Variants in KMT2D observed in about 807,000 individuals in gnomAD.
The protein encoded by KMT2D is histone-lysine N-methyltransferase 2D.
A neutral mutation model predicts 512.7 loss-of-function variants in KMT2D; 55 were observed. The ratio of observed to expected loss-of-function variants is 0.11; its 90% CI spans 0.09 to 0.13. The LOEUF is 0.13. KMT2D is among the 10% of genes least tolerant of loss of function. The probability of loss-of-function intolerance (pLI) is 1.00; values close to 1 mark genes in which losing one functional copy is unlikely to be tolerated. For missense variants in KMT2D, 6,061 were observed against 7,127.9 expected (o/e 0.85, Z 5.39); for synonymous variants, 2,995 against 2,904.0 (o/e 1.03, Z -1.01).
chr12:49,045,062 G>T, intron 19 of KMT2D, 97 bp from the exon 20 acceptor site: 2 of 1,204,752 alleles, frequency 1.7e-6, no homozygotes, highest in Non-Finnish European at 2.4e-6. Context: ...GACAAAGGCA[G>T]TGACAAAAGT....
intron 1 of KMT2D, among the ~76,000 whole-genome samples, chr12:49,055,946 CA>C (rs1260677463): frequency 6.6e-5 from 10 of 152,200 alleles, no homozygotes; most frequent in African/African-American, 2.4e-4. Context: ...ATCACCATTA[CA>C]AAAGAAGAAA....
At chr12:49,052,859 C>T (rs1938161596) in intron 9 of KMT2D, 56 bp downstream of exon 9, 1 of 1,606,352 alleles carries the variant, frequency 6.2e-7, no homozygotes, top group African/African-American at 1.3e-5. Flanking sequence ...AAGGCCCCTG[C>T]CAATGTCAGT....
chr12:49,055,252 A>G (rs772273525), intron 2 of KMT2D, 24 bp downstream of exon 2: 1 of 1,613,564 alleles, frequency 6.2e-7, no homozygotes. Flanking sequence ...ATCTAAAAGC[A>G]AACAAACAAT....
chr12:49,041,583 C>T lies in KMT2D; in HGVS notation c.6235-48G>A. 1 of 1,612,276 alleles carries T rather than the reference C, an allele frequency of 6.2e-7. No homozygotes were observed. Among genetic ancestry groups the T allele is most frequent in the Non-Finnish European group, 8.5e-7 (1 of 1,179,040 alleles). The stretch of plus-strand genomic sequence containing the variant: ...GGGCAGTCAGGCTGCTGCAGGCAGG[C>T]CCCATGGCCCTCCACCCTCAAGAGA... On this transcript the variant is annotated intron_variant, in intron 31 of 54. Transcript: ENST00000301067. The surrounding 1 kb of genome is among the most constrained non-coding windows in gnomAD (Gnocchi z 5.4).
chr12:49,053,646 AG>A lies in KMT2D; in HGVS notation c.674-6del, dbSNP rs976475854. The A allele has an allele frequency of 2.5e-5, 39 of 1,588,734 alleles. No homozygotes were observed. The highest frequency in any genetic ancestry group is 3.1e-5 in the Non-Finnish European group (36 of 1,167,978). On this transcript the variant is annotated splice_polypyrimidine_tract_variant and splice_region_variant and intron_variant, in intron 6 of 54. Coordinates refer to ENST00000301067, the MANE Select transcript of KMT2D (RefSeq NM_003482.4). ...ACACTGCACAGCGAGCCTCCTCTGC[AG>A]GGGGTAGAGACACCACAGGTCAGCT...
Position 49,038,203 on chromosome 12 carries a change from T to C in KMT2D, c.9153A>G (p.Ala3051=). Residue 3051 remains alanine, a synonymous_variant, in exon 35 of 55, where the codon GCA becomes GCG. Coordinates refer to ENST00000301067, the MANE Select transcript of KMT2D (RefSeq NM_003482.4). The surrounding 1 kb of genome is among the most constrained non-coding windows in gnomAD (Gnocchi z 5.7). ...LLNGDEFDLL[A]YTDPELDTGD... is the part of the protein sequence containing the mutation. ...CAGTGTCCAGCTCAGGATCAGTATA[T>C]GCCAGCAGGTCAAACTCGTCTCCAT... 3 of 1,613,888 alleles carry C rather than the reference T, an allele frequency of 1.9e-6. No homozygotes were observed. The highest frequency in any genetic ancestry group is 2.5e-6 in the Non-Finnish European group (3 of 1,179,892).
At position 49,039,687 on chromosome 12, in the gene KMT2D, G is replaced by T. The variant is rs771910120; in HGVS notation, c.8046+37C>A. On this transcript the variant is annotated intron_variant, in intron 32 of 54. Transcript: ENST00000301067. This position sits in a 1 kb window ranked among gnomAD's most constrained non-coding sequence, Gnocchi z 5.0. The stretch of plus-strand genomic sequence containing the variant: ...TCATAGGGCTGCCCCAGAGACAGGA[G>T]CGATATAGGGGGCTTAGCTCCAGGG... 6.2e-7 allele frequency: 1 copy of T among 1,604,942 alleles called. No individual in the cohort carries two copies. Among genetic ancestry groups the T allele is most frequent in the South Asian group, 1.1e-5 (1 of 90,860 alleles).
Position 49,030,311 on chromosome 12 carries a change from G to C in KMT2D, c.13968C>G (p.Ala4656=). ...GTGCCCTTTCACTATCCCGGGCAGA[G>C]GCAGCATCCTTGGGGTGCTCCCCCA... ...EELGEHPKDA[A]SARDSERALR... is the part of the protein sequence containing the mutation. The change falls in exon 43 of 55, where the codon GCC becomes GCG. Residue 4656 remains alanine, a synonymous_variant. Transcript: ENST00000301067. 6.2e-7 allele frequency: 1 copy of C among 1,603,840 alleles called. No individual in the cohort carries two copies. The highest frequency in any genetic ancestry group is 8.5e-7 in the Non-Finnish European group (1 of 1,175,114).
rs1942634696 is a variant in KMT2D, at chr12:49,027,054, CCTT to C, written c.14909_14911del (p.Glu4970del). The C allele has an allele frequency of 1.9e-6, 3 of 1,613,798 alleles. No homozygotes were observed. The highest frequency in any genetic ancestry group is 1.7e-6 in the Non-Finnish European group (2 of 1,179,848). ...GAGGCGAGGAGGACGGGAATCTTCA[CCTT>C]CTTCAGGGGGCCGGGCACGGGGCTT... On this transcript the variant is annotated inframe_deletion, in exon 49 of 55. Coordinates refer to ENST00000301067, the MANE Select transcript of KMT2D (RefSeq NM_003482.4).
rs1311527251 is a variant in KMT2D, at chr12:49,037,764, G to T, written c.9592C>A (p.Pro3198Thr). The T allele has an allele frequency of 6.3e-7, 1 of 1,592,850 alleles. No homozygotes were observed. The highest frequency in any genetic ancestry group is 1.1e-5 in the South Asian group (1 of 87,720). ...CCTCCTGGGCCACTCAGTGGGCTGG[G>T]GGTCAGCAGGTGAGCTGGTGGTCCT... is the stretch of plus-strand genomic sequence containing the variant. ...TGGPPAHLLT[P>T]SPLSGPGGSS... Residue 3198 changes from proline (P) to threonine (T), a missense_variant, in exon 35 of 55, where the codon CCC becomes ACC. By Grantham distance (38) the Pro-to-Thr change is conservative (BLOSUM62 -1). This residue lies in a region of KMT2D where 533 missense variants were observed against 539.6 expected (regional missense o/e 0.99). Transcript: ENST00000301067.
chr12:49,046,399 C>A lies in KMT2D; in HGVS notation c.4444G>T (p.Ala1482Ser), dbSNP rs565864326. 11 of 1,613,810 alleles carry A rather than the reference C, an allele frequency of 6.8e-6. No individual in the cohort carries two copies. Among genetic ancestry groups the A allele is most frequent in the Non-Finnish European group, 9.3e-6 (11 of 1,179,886 alleles). The change falls in exon 17 of 55, where the codon GCT becomes TCT. Residue 1482 changes from alanine (A) to serine (S), a missense_variant. Around this residue, in one of 16 missense-constraint regions of KMT2D, gnomAD observed 640 missense variants for 814.3 expected, o/e 0.79. Transcript: ENST00000301067. The surrounding 1 kb of genome is among the most constrained non-coding windows in gnomAD (Gnocchi z 4.2). The part of the protein sequence containing the change: ...KWCVSCMQCG[A>S]ASPGFHCEWQ... ...TCACAGTGGAAGCCAGGGGAAGCAG[C>A]CCCACACTGCATACAGGACACACAC...
rs2120645313 is a variant in KMT2D, at chr12:49,050,075, T to C, written c.3513A>G (p.Glu1171=). The C allele has an allele frequency of 1.2e-6, 2 of 1,613,766 alleles. No individual in the cohort carries two copies. Among genetic ancestry groups the C allele is most frequent in the East Asian group, 2.2e-5 (1 of 44,878 alleles). ...APVTPMEVYP[E]CKQTAGQGSP... Reference sequence around the variant, plus strand: ...AGCCCTGCCCTGCTGTCTGCTTGCATTCGGGGTAGACCTCCATAGGGGTCA... The same window carrying C: ...AGCCCTGCCCTGCTGTCTGCTTGCACTCGGGGTAGACCTCCATAGGGGTCA... Residue 1171 remains glutamate, a synonymous_variant, in exon 12 of 55, where the codon GAA becomes GAG. Coordinates refer to ENST00000301067, the MANE Select transcript of KMT2D (RefSeq NM_003482.4).
In KMT2D at chr12:49,052,267, C is replaced by T. The variant is rs2120684233; in HGVS notation, c.1416G>A (p.Glu472=). The T allele has an allele frequency of 6.2e-7, 1 of 1,607,284 alleles. No homozygotes were observed. The highest frequency in any genetic ancestry group is 8.5e-7 in the Non-Finnish European group (1 of 1,176,702). Residue 472 remains glutamate, a synonymous_variant, in exon 11 of 55, where the codon GAG becomes GAA. Transcript: ENST00000301067. Reference sequence around the variant, plus strand: ...CAGGAAGTGGGGATGCGGGCAATTCCTCAGGTGGTGGTGACAGGCGTGATG... The same window carrying T: ...CAGGAAGTGGGGATGCGGGCAATTCTTCAGGTGGTGGTGACAGGCGTGATG... The part of the protein sequence containing the change: ...PEASRLSPPP[E]ELPASPLPEA...
chr12:49,039,582 C>G lies in KMT2D; in HGVS notation c.8082G>C (p.Gln2694His), dbSNP rs2120513191. The change falls in exon 33 of 55, where the codon CAG becomes CAC. Residue 2694 changes from glutamine (Q) to histidine (H), a missense_variant. This residue lies in a region of KMT2D where 527 missense variants were observed against 578.9 expected (regional missense o/e 0.91). Coordinates refer to ENST00000301067, the MANE Select transcript of KMT2D (RefSeq NM_003482.4). The surrounding 1 kb of genome is among the most constrained non-coding windows in gnomAD (Gnocchi z 5.0). ...CCTGCCGCAGGGTGTTGCGCTGGAT[C>G]TGCTGCCGAATCAGCAGCTCTCGTA... is the stretch of plus-strand genomic sequence containing the variant. ...QRLRELLIRQ[Q>H]IQRNTLRQEK... 6.2e-7 allele frequency: 1 copy of G among 1,610,998 alleles called. No homozygotes were observed. Among genetic ancestry groups the G allele is most frequent in the Non-Finnish European group, 8.5e-7 (1 of 1,179,622 alleles).
chr12:49,032,025 A>T lies in KMT2D; in HGVS notation c.12680T>A (p.Met4227Lys). 6.2e-7 allele frequency: 1 copy of T among 1,611,406 alleles called. No homozygotes were observed. ...QQQQQLQALLMQRQLQQSQAV... is the reference protein window; with the variant it reads ...QQQQQLQALLKQRQLQQSQAV... ...CTGACTCTGCTGCAGCTGCCGCTGC[A>T]TGAGGAGTGCCTGTAGCTGCTGCTG... The change falls in exon 40 of 55, where the codon ATG becomes AAG. Residue 4227 changes from methionine (M) to lysine (K), a missense_variant. Around this residue, in one of 16 missense-constraint regions of KMT2D, gnomAD observed 1,600 missense variants for 1,754.9 expected, o/e 0.91. Transcript: ENST00000301067.
chr12:49,030,537 C>G, intron 42 of KMT2D, 64 bp downstream of exon 42: 1 of 1,498,742 alleles, frequency 6.7e-7, no homozygotes, highest in Non-Finnish European at 8.9e-7. Context: ...CTCAAGTTTT[C>G]TATTCCCACC....
rs895080026 is a variant in KMT2D at position 49,028,842 on chromosome 12, C to A, written c.14368G>T (p.Ala4790Ser). 4 of 1,613,874 alleles carry A rather than the reference C, an allele frequency of 2.5e-6. No homozygotes were observed. The African/African-American group carries it at 5.3e-5, about 22-fold the overall frequency. Residue 4790 changes from alanine to serine, a missense_variant, in exon 46 of 55, where the codon GCT becomes TCT. Coordinates refer to ENST00000301067, the MANE Select transcript of KMT2D (RefSeq NM_003482.4). Reference sequence around the variant, plus strand: ...CTAGGACACACCTTGGCTGCAGCAGCAGAGACTGTGAGCATGACTGACACC... The same window carrying A: ...CTAGGACACACCTTGGCTGCAGCAGAAGAGACTGTGAGCATGACTGACACC... ...SEVSVMLTVS[A>S]AAAKNLNGVM... is the part of the protein sequence containing the mutation.
chr12:49,044,245 C>T lies in KMT2D; in HGVS notation c.5143G>A (p.Ala1715Thr), dbSNP rs1326579670. 4 of 1,612,628 alleles carry T rather than the reference C, an allele frequency of 2.5e-6. No individual in the cohort carries two copies. Among genetic ancestry groups the T allele is most frequent in the Non-Finnish European group, 3.4e-6 (4 of 1,179,870 alleles). ...CCACTCAACACCTCCGCCTGTGCAG[C>T]AGGCCCCTTTTTCGTGCGTGTGTGG... is the stretch of plus-strand genomic sequence containing the variant. ...KSHTRTKKGP[A>T]AQAEVLSGDG... The change falls in exon 22 of 55, where the codon GCT becomes ACT. Residue 1715 changes from alanine (A) to threonine (T), a missense_variant. Around this residue, in one of 16 missense-constraint regions of KMT2D, gnomAD observed 640 missense variants for 814.3 expected, o/e 0.79. Transcript: ENST00000301067. The surrounding 1 kb of genome is among the most constrained non-coding windows in gnomAD (Gnocchi z 6.4).
At chr12:49,036,803 A>G (rs143801847) in intron 35 of KMT2D, among the ~76,000 whole-genome samples, 146 of 152,160 alleles carry the variant, frequency 9.6e-4, no homozygotes, top group African/African-American at 3.3e-3. Context: ...CCTGGCCTCA[A>G]CTGCTTTTTT....
Sources: allele counts gnomAD v4.1 joint callset (sites outside exome capture counted in the v4.1 genomes callset), GRCh38; gene constraint gnomAD v4.1.1; regional missense constraint gnomAD v4.1.1; non-coding constraint Gnocchi (gnomAD v3.1); transcripts MANE v1.5; gene names NCBI Gene and HGNC (gene_info 2026-07-23, HGNC 2026-07-21).